The following JMJD7 variants were observed in gnomAD, a reference collection of about 807,000 sequenced individuals.
JMJD7 encodes the protein jumonji domain containing 7.
In JMJD7, 41 loss-of-function variants were observed where a neutral mutation model predicts 41.1. That is an observed-to-expected ratio of 1.00 (90% CI 0.78 to 1.30). The LOEUF is 1.30. Among genes scored for constraint, JMJD7 ranks in the 50% most tolerant of loss-of-function variants. The probability of loss-of-function intolerance (pLI) is 0.00; values close to 1 mark genes in which losing one functional copy is unlikely to be tolerated. For missense variants in JMJD7, 480 were observed against 420.7 expected (o/e 1.14, Z -1.23); for synonymous variants, 202 against 177.2 (o/e 1.14, Z -1.11).
chr15:41,834,726 C>T lies in JMJD7; in HGVS notation c.65-14C>T. On this transcript the variant is annotated splice_polypyrimidine_tract_variant and intron_variant, in intron 1 of 7. Transcript: ENST00000397299. ...CATCAGCCCTTCCATCCCCTGTCTTCTTCTTTCTCTCAGAGCTCTGCGTGC... is the reference window on the plus strand; with the variant it reads ...CATCAGCCCTTCCATCCCCTGTCTTTTTCTTTCTCTCAGAGCTCTGCGTGC... 2 of 1,613,056 alleles carry T rather than the reference C, an allele frequency of 1.2e-6. No homozygotes were observed. Among genetic ancestry groups the T allele is most frequent in the Non-Finnish European group, 1.7e-6 (2 of 1,179,468 alleles).
chr15:41,835,994 T>A (rs1285859517), intron 4 of JMJD7, 154 bp from the exon 5 acceptor site: 1 of 756,460 alleles, frequency 1.3e-6, no homozygotes, highest in Non-Finnish European at 2.0e-6. Flanking sequence ...AGAATGCCCA[T>A]CAGAGCCCCT....
At chr15:41,837,019 C>G (rs377310251) in intron 7 of JMJD7, 49 bp from the exon 8 acceptor site, 29 of 1,609,908 alleles carry the variant, frequency 1.8e-5, no homozygotes, top group Non-Finnish European at 2.2e-5. Context: ...TTGGGAGGCT[C>G]TAGGTCAGAA....
chr15:41,837,034 G>A, intron 7 of JMJD7, 34 bp from the exon 8 acceptor site: 1 of 1,609,010 alleles, frequency 6.2e-7, no homozygotes, highest in Admixed American at 1.7e-5. Context: ...TCAGAAGAGG[G>A]ATCTTCATGC....
At chr15:41,830,403 C>T (rs888563520) in intron 1 of JMJD7, among the ~76,000 whole-genome samples, 3 of 152,216 alleles carry the variant, frequency 2.0e-5, no homozygotes, top group African/African-American at 7.2e-5. Flanking sequence ...TGCCCGCCGC[C>T]GCTGTGGGGA....
chr15:41,834,033 C>T (rs1276338341), intron 1 of JMJD7, among the ~76,000 whole-genome samples: 2 of 152,228 alleles, frequency 1.3e-5, no homozygotes, highest in Admixed American at 1.3e-4. Context: ...GACACAGGGC[C>T]ACTGTAGACC....
At chr15:41,831,911 T>C (rs1327999100) in intron 1 of JMJD7, among the ~76,000 whole-genome samples, 5 of 152,164 alleles carry the variant, frequency 3.3e-5, no homozygotes, top group Non-Finnish European at 7.4e-5. Context: ...GCTCGCCACA[T>C]TGTGGGTGTC....
At chr15:41,828,278 G>A (rs1204864671) in intron 1 of JMJD7, 90 bp downstream of exon 1, 14 of 1,402,730 alleles carry the variant, frequency 1.0e-5, no homozygotes, top group Non-Finnish European at 1.2e-5. Context: ...AACCTCGTGT[G>A]TGCGACTGCC....
At position 41,830,090 on chromosome 15, in the gene JMJD7, T is replaced by G. The variant is rs535833771; in HGVS notation, c.64+1902T>G. Among the ~76,000 whole-genome samples, 5 of 152,240 alleles carry G rather than the reference T, an allele frequency of 3.3e-5. No homozygotes were observed. The East Asian group carries it at 9.7e-4, about 29-fold the overall frequency. On this transcript the variant is annotated intron_variant, in intron 1 of 7. Coordinates refer to ENST00000397299, the MANE Select transcript of JMJD7 (RefSeq NM_001114632.2). ...TGGTGGTAGTGAGTCCCCTGTTCCC[T>G]GCATCCCCGAGGCAGCCGACTGCAC... is the stretch of plus-strand genomic sequence containing the variant.
rs182259747 is a variant in JMJD7, at chr15:41,835,547, G to A, written c.473-41G>A. On this transcript the variant is annotated intron_variant, in intron 3 of 7. Transcript: ENST00000397299. Reference sequence around the variant, plus strand: ...CATCACTGGATGGCAGCTTTCCCCAGCCTGGCCTTCCTAACTTGCTCTCTG... The same window carrying A: ...CATCACTGGATGGCAGCTTTCCCCAACCTGGCCTTCCTAACTTGCTCTCTG... 4 of 1,600,498 alleles carry A rather than the reference G, an allele frequency of 2.5e-6. No individual in the cohort carries two copies. In the Admixed American group the frequency reaches 6.8e-5, roughly 27 times the overall value.
In JMJD7 at chr15:41,835,085, G is replaced by C. The variant is rs550115704; in HGVS notation, c.334G>C (p.Val112Leu). Reference protein sequence around the residue: ...PAERRLPLSFVLDVLEGRAQH... With the variant: ...PAERRLPLSFLLDVLEGRAQH... ...TGAGCGCCGCCTGCCCCTGAGCTTC[G>C]TGCTGGATGTGCTGGAGGGCCGGGC... The change falls in exon 3 of 8, where the codon GTG (valine) becomes CTG (leucine). Residue 112 changes from valine to leucine, a missense_variant. Physicochemically the swap from Val to Leu is conservative, Grantham distance 32. Transcript: ENST00000397299. 6.2e-7 allele frequency: 1 copy of C among 1,613,224 alleles called. No homozygotes were observed. The highest frequency in any genetic ancestry group is 1.3e-5 in the African/African-American group (1 of 74,934).
chr15:41,830,584 T>C (rs529373316), intron 1 of JMJD7, among the ~76,000 whole-genome samples: 1 of 152,252 alleles, frequency 6.6e-6, no homozygotes, highest in Admixed American at 6.5e-5. Context: ...TCTTGGGAGC[T>C]AGGAGCAGGC....
chr15:41,834,803 G>C lies in JMJD7; in HGVS notation c.128G>C (p.Arg43Pro). 2 of 1,614,162 alleles carry C rather than the reference G, an allele frequency of 1.2e-6. No individual in the cohort carries two copies. The highest frequency in any genetic ancestry group is 1.7e-6 in the Non-Finnish European group (2 of 1,180,032). The change falls in exon 2 of 8, where the codon CGG becomes CCG. Residue 43 changes from arginine (R) to proline (P), a missense_variant. Arg to Pro is a moderately radical substitution (Grantham distance 103). Transcript: ENST00000397299. ...CCCCCAACTCCGCTCCACTTCTACC[G>C]GGACTGGGTCTGCCCCAACAGGCCG... ...DKPPTPLHFY[R>P]DWVCPNRPCI...
At chr15:41,830,463 G>A (rs2065213728) in intron 1 of JMJD7, among the ~76,000 whole-genome samples, 2 of 152,324 alleles carry the variant, frequency 1.3e-5, no homozygotes, top group South Asian at 4.1e-4. Flanking sequence ...CAGAGCTGGC[G>A]GGAACTGGGG....
At position 41,835,119 on chromosome 15, in the gene JMJD7, C is replaced by A. The variant is rs2065291518; in HGVS notation, c.368C>A (p.Pro123His). ...LDVLEGRAQH[P>H]GVLYVQKQCS... ...GTGCTGGAGGGCCGGGCCCAGCACC[C>A]TGGAGTCCTCTATGTGCAGAAGCAG... The change falls in exon 3 of 8, where the codon CCT becomes CAT. Residue 123 changes from proline (P) to histidine (H), a missense_variant. Coordinates refer to ENST00000397299, the MANE Select transcript of JMJD7 (RefSeq NM_001114632.2). 1 of 1,611,518 alleles carries A rather than the reference C, an allele frequency of 6.2e-7. No individual in the cohort carries two copies. The highest frequency in any genetic ancestry group is 8.5e-7 in the Non-Finnish European group (1 of 1,180,030).
intron 1 of JMJD7, among the ~76,000 whole-genome samples, chr15:41,831,606 G>A (rs1233883192): frequency 6.6e-6 from 1 of 152,198 alleles, no homozygotes; most frequent in Non-Finnish European, 1.5e-5. Flanking sequence ...TGAGCAGCTG[G>A]AACAAAGCTC....
intron 1 of JMJD7, among the ~76,000 whole-genome samples, chr15:41,829,466 C>G (rs540420386): frequency 2.0e-5 from 3 of 152,306 alleles, no homozygotes; most frequent in Admixed American, 6.5e-5. Flanking sequence ...CATGCGCCAC[C>G]ACGCCTGGCT....
At chr15:41,836,099 G>A (rs758167379) in intron 4 of JMJD7, 49 bp from the exon 5 acceptor site, 24 of 1,529,974 alleles carry the variant, frequency 1.6e-5, no homozygotes, top group East Asian at 1.1e-4. Flanking sequence ...GCCTCCTCCC[G>A]TGCCCCTGCC....
chr15:41,833,412 ATATTTTT>A lies in JMJD7; in HGVS notation c.65-1326_65-1320del, dbSNP rs1413354649. On this transcript the variant is annotated intron_variant, in intron 1 of 7. Coordinates refer to ENST00000397299, the MANE Select transcript of JMJD7 (RefSeq NM_001114632.2). ...GAAATACATATATATATATATATAT[ATATTTTT>A]TTTTTTTTTTTTTTTTTTTGAGATA... Among the ~76,000 whole-genome samples the A allele has an allele frequency of 1.9e-4, 8 of 41,918 alleles. No homozygotes were observed. In the South Asian group the frequency reaches 8.1e-3, roughly 43 times the overall value. 27.5% of individuals were successfully genotyped at this position (41,918 alleles called of 152,430 possible). A position where few individuals can be genotyped will look rare whatever the true frequency, so the allele number is the denominator to read the frequency against.
At chr15:41,836,601 G>A (rs1037992806) in intron 6 of JMJD7, 50 bp downstream of exon 6, 4 of 1,499,600 alleles carry the variant, frequency 2.7e-6, no homozygotes, top group Non-Finnish European at 3.6e-6. Context: ...CAGAAGCCTG[G>A]CTCTGAAGAA....
Sources: gnomAD v4.1 joint callset for allele counts (sites outside exome capture counted in the v4.1 genomes callset) on GRCh38, gnomAD v4.1.1 for gene constraint, MANE v1.5 for transcripts, NCBI Gene and HGNC (gene_info 2026-07-23, HGNC 2026-07-21) for gene names.